SEC24B: variants seen among roughly 807,000 people sequenced by gnomAD.
SEC24B encodes the protein SEC24 homolog B, COPII component.
Under a neutral mutation model 142.8 loss-of-function variants are expected in SEC24B, and 45 were observed. That is an observed-to-expected ratio of 0.32 (90% CI 0.25 to 0.40). SEC24B has a LOEUF of 0.40. SEC24B is among the 10% of genes least tolerant of loss of function. SEC24B has a pLI of 1.00. For synonymous variants in SEC24B, 574 were observed against 568.2 expected, an observed-to-expected ratio of 1.01 and a Z score of -0.15; for missense variants, 1,409 against 1,526.8, an observed-to-expected ratio of 0.92 and a Z score of 1.29.
At chr4:109,467,053 G>A (rs1308601070) in intron 2 of SEC24B, among the ~76,000 whole-genome samples, 4 of 151,950 alleles carry the variant, frequency 2.6e-5, no homozygotes, top group Admixed American at 1.3e-4. Flanking sequence ...CCAGCCGGGC[G>A]CGGTGGCTCA....
Position 109,530,294 on chromosome 4 carries a change from G to A in SEC24B, c.3082G>A (p.Asp1028Asn). 1.2e-6 allele frequency: 2 copies of A among 1,611,688 alleles called. No individual in the cohort carries two copies. The highest frequency in any genetic ancestry group is 1.7e-6 in the Non-Finnish European group (2 of 1,178,538). ...AICLLANMAV[D>N]RSVSSSLSDA... ...TCACTTTGGTTGCTTTTTAGCTGTG[G>A]ATCGGTCCGTTTCATCAAGTCTGTC... is the stretch of plus-strand genomic sequence containing the variant. Residue 1028 changes from aspartate (D) to asparagine (N), a missense_variant, in exon 19 of 24, where the codon GAT (aspartate) becomes AAT (asparagine). Around this residue, in one of 2 missense-constraint regions of SEC24B, gnomAD observed 700 missense variants for 853.3 expected, o/e 0.82. Coordinates refer to ENST00000265175, the MANE Select transcript of SEC24B (RefSeq NM_006323.5).
At chr4:109,497,689 G>C (rs372887914) in intron 6 of SEC24B, among the ~76,000 whole-genome samples, 3 of 152,014 alleles carry the variant, frequency 2.0e-5, no homozygotes, top group Admixed American at 2.0e-4. Context: ...CATGTGAATA[G>C]ACCAGTTTGT....
Position 109,521,228 on chromosome 4 carries a change from TA to T in SEC24B, c.2301+60del. 4 of 1,140,036 alleles carry T rather than the reference TA, an allele frequency of 3.5e-6. No homozygotes were observed. The Admixed American group carries it at 8.4e-5, about 24-fold the overall frequency. 70.6% of individuals were successfully genotyped at this position (1,140,036 alleles called of 1,614,324 possible). On this transcript the variant is annotated intron_variant, in intron 13 of 23. Coordinates refer to ENST00000265175, the MANE Select transcript of SEC24B (RefSeq NM_006323.5). ...AAATATTTATATTGTGACTGGTAACTAAAATATTTAACATTTGTTTACTTGA... is the reference window on the plus strand; with the variant it reads ...AAATATTTATATTGTGACTGGTAACTAAATATTTAACATTTGTTTACTTGA...
At chr4:109,511,284 AT>A (rs968954490) in intron 8 of SEC24B, among the ~76,000 whole-genome samples, 11 of 151,048 alleles carry the variant, frequency 7.3e-5, no homozygotes, top group East Asian at 3.9e-4. Context: ...ATATTTCCTG[AT>A]TTTTTTTTAC....
intron 1 of SEC24B, among the ~76,000 whole-genome samples, chr4:109,446,654 A>G (rs1729494447): frequency 6.6e-6 from 1 of 152,218 alleles, no homozygotes. Context: ...CTTTTCTTAT[A>G]CGTGAACAGG....
chr4:109,514,045 G>T (rs1204250574), intron 10 of SEC24B, among the ~76,000 whole-genome samples, 189 bp downstream of exon 10: 4 of 152,112 alleles, frequency 2.6e-5, no homozygotes, highest in Admixed American at 6.5e-5. Context: ...CTCCTAGAAG[G>T]CTTTCTATGA....
At chr4:109,453,905 T>C (rs1417109009) in intron 1 of SEC24B, among the ~76,000 whole-genome samples, 1 of 152,196 alleles carries the variant, frequency 6.6e-6, no homozygotes, top group African/African-American at 2.4e-5. Context: ...TCCCCCAGGC[T>C]GGAGTGCAAT....
In SEC24B at chr4:109,434,623, C is replaced by T. The variant is rs552820812; in HGVS notation, c.133+621C>T. Among the ~76,000 whole-genome samples, 24 of 152,344 alleles carry T rather than the reference C, an allele frequency of 1.6e-4. No homozygotes were observed. In the East Asian group the frequency reaches 4.2e-3, roughly 27 times the overall value. ...GTGTAACTGTAACCCTGACCCAGTT[C>T]GGCCTCAAGAACTGTCATTGCCGCT... On this transcript the variant is annotated intron_variant, in intron 1 of 23. Coordinates refer to ENST00000265175, the MANE Select transcript of SEC24B (RefSeq NM_006323.5).
At chr4:109,489,311 C>T (rs1734732853) in intron 4 of SEC24B, among the ~76,000 whole-genome samples, 1 of 151,838 alleles carries the variant, frequency 6.6e-6, no homozygotes, top group African/African-American at 2.4e-5. Context: ...GTGGATATGT[C>T]TAGTTGTTCC....
chr4:109,435,874 C>G (rs938135037), intron 1 of SEC24B, among the ~76,000 whole-genome samples: 3 of 151,946 alleles, frequency 2.0e-5, no homozygotes, highest in Non-Finnish European at 4.4e-5. Context: ...TTGAGGGACT[C>G]GACAGGTTGG....
Position 109,512,000 on chromosome 4 carries a change from C to T in SEC24B, c.1820C>T (p.Ser607Phe), listed in dbSNP as rs1192998857. Residue 607 changes from serine to phenylalanine, a missense_variant, in exon 9 of 24, where the codon TCC becomes TTC. By Grantham distance (155) the Ser-to-Phe change is radical. Around this residue, in one of 2 missense-constraint regions of SEC24B, gnomAD observed 700 missense variants for 853.3 expected, o/e 0.82. Coordinates refer to ENST00000265175, the MANE Select transcript of SEC24B (RefSeq NM_006323.5). ...TCAAATACCATTGTGAGGTGCCGAT[C>T]CTGTCGAACGTATATTAACCCCTTT... ...ITSNTIVRCR[S>F]CRTYINPFVS... 6.2e-7 allele frequency: 1 copy of T among 1,613,566 alleles called. No individual in the cohort carries two copies. Among genetic ancestry groups the T allele is most frequent in the East Asian group, 2.2e-5 (1 of 44,868 alleles).
chr4:109,490,782 G>A (rs1734940787), intron 4 of SEC24B, among the ~76,000 whole-genome samples: 1 of 152,030 alleles, frequency 6.6e-6, no homozygotes, highest in Admixed American at 6.6e-5. Flanking sequence ...TATGGCAGGT[G>A]TTATTTAATC....
chr4:109,480,224 T>C lies in SEC24B; in HGVS notation c.1061-1453T>C, dbSNP rs555659544. ...ATTTTATTCTTAATAGTTTTTTTCT[T>C]ACTCTAGTGATGAGTTGTTTATCCA... is the stretch of plus-strand genomic sequence containing the variant. On this transcript the variant is annotated intron_variant, in intron 3 of 23. Transcript: ENST00000265175. 5.9e-5 allele frequency among the ~76,000 whole-genome samples: 9 copies of C among 152,206 alleles called. No individual in the cohort carries two copies. The South Asian group carries it at 1.9e-3, about 32-fold the overall frequency.
intron 3 of SEC24B, among the ~76,000 whole-genome samples, chr4:109,476,158 T>C (rs910931490): frequency 6.6e-6 from 1 of 152,130 alleles, no homozygotes; most frequent in Admixed American, 6.5e-5. Context: ...AGCTAATTTT[T>C]GTATTTTTAG....
chr4:109,492,537 C>A (rs550208754), intron 5 of SEC24B, among the ~76,000 whole-genome samples: 1 of 152,280 alleles, frequency 6.6e-6, no homozygotes, highest in South Asian at 2.1e-4. Flanking sequence ...TCAACGAATT[C>A]TAATCTTATA....
At chr4:109,444,371 T>G (rs527798547) in intron 1 of SEC24B, among the ~76,000 whole-genome samples, 70 of 152,118 alleles carry the variant, frequency 4.6e-4, no homozygotes, top group Non-Finnish European at 8.8e-4. Context: ...TCTGGTGGTG[T>G]TAGTAATGAA....
chr4:109,464,776 A>G (rs1355864596), intron 2 of SEC24B, among the ~76,000 whole-genome samples: 1 of 152,174 alleles, frequency 6.6e-6, no homozygotes, highest in African/African-American at 2.4e-5. Context: ...TAGAACTTTA[A>G]TATTAGACCC....
intron 1 of SEC24B, among the ~76,000 whole-genome samples, chr4:109,454,307 G>T (rs1244937647): frequency 6.6e-6 from 1 of 152,056 alleles, no homozygotes; most frequent in Admixed American, 6.5e-5. Flanking sequence ...GGGAGGCCGA[G>T]GCAGGAGGAT....
intron 18 of SEC24B, among the ~76,000 whole-genome samples, chr4:109,529,818 C>T (rs113148589): frequency 4.9e-4 from 74 of 152,282 alleles, no homozygotes; most frequent in African/African-American, 1.8e-3. Flanking sequence ...ACTGCAGCTT[C>T]GACCTCCCAG....
Sources: allele counts gnomAD v4.1 joint callset (sites outside exome capture counted in the v4.1 genomes callset), GRCh38; gene constraint gnomAD v4.1.1; regional missense constraint gnomAD v4.1.1; transcripts MANE v1.5; gene names NCBI Gene and HGNC (gene_info 2026-07-23, HGNC 2026-07-21).